Variants in NRXN1 observed in about 807,000 individuals in gnomAD.
The protein encoded by NRXN1 is neurexin-1.
Under a neutral mutation model 150.9 loss-of-function variants are expected in NRXN1, and 39 were observed. The ratio of observed to expected loss-of-function variants is 0.26; its 90% confidence interval spans 0.20 to 0.34. NRXN1 has a LOEUF of 0.34. Ranked by LOEUF, NRXN1 falls within the 10% of genes least tolerant of loss-of-function variation. The pLI, the probability that NRXN1 is intolerant of heterozygous loss-of-function variation, is 1.00. For missense variants in NRXN1, 1,815 were observed against 1,949.9 expected (o/e 0.93, Z 1.30); for synonymous variants, 924 against 757.0 (o/e 1.22, Z -3.62).
At chr2:50,742,060 G>T (rs1416257443) in intron 5 of NRXN1, among the ~76,000 whole-genome samples, 24 of 152,020 alleles carry the variant, frequency 1.6e-4, no homozygotes, top group Admixed American at 1.5e-3. Flanking sequence ...GAAAATAAAA[G>T]AAATATAGGT....
chr2:50,302,304 A>G (rs982345610), intron 17 of NRXN1, among the ~76,000 whole-genome samples: 42 of 152,214 alleles, frequency 2.8e-4, no homozygotes, highest in African/African-American at 9.2e-4. Flanking sequence ...TTTGCTTTAG[A>G]TAACTTTAAT....
chr2:50,246,156 A>G (rs2066481023), intron 17 of NRXN1, among the ~76,000 whole-genome samples: 2 of 152,004 alleles, frequency 1.3e-5, no homozygotes, highest in Admixed American at 6.6e-5. Context: ...GGTATCTGCA[A>G]TGCTTTATTG....
chr2:50,467,343 A>G (rs62134979), intron 16 of NRXN1, among the ~76,000 whole-genome samples: 2,094 of 151,844 alleles, frequency 0.014, 14 homozygotes, highest in Admixed American at 0.02. Flanking sequence ...AGTATAAACT[A>G]AATATATTTT....
At chr2:50,407,393 A>C (rs1014625973) in intron 17 of NRXN1, among the ~76,000 whole-genome samples, 1 of 152,100 alleles carries the variant, frequency 6.6e-6, no homozygotes, top group Non-Finnish European at 1.5e-5. Flanking sequence ...GCATATGTAA[A>C]CTACCTCGCC....
At chr2:50,334,798 T>C (rs1346504280) in intron 17 of NRXN1, among the ~76,000 whole-genome samples, 1 of 152,248 alleles carries the variant, frequency 6.6e-6, no homozygotes, top group African/African-American at 2.4e-5. Context: ...TGTGGTTTCA[T>C]AGATTAAACT....
intron 9 of NRXN1, among the ~76,000 whole-genome samples, chr2:50,550,960 C>T (rs1422794028): frequency 6.6e-6 from 1 of 151,362 alleles, no homozygotes; most frequent in African/African-American, 2.4e-5. Context: ...GGATTACGGG[C>T]GTGAGCCACC....
intron 17 of NRXN1, among the ~76,000 whole-genome samples, chr2:50,420,715 G>C (rs573763869): frequency 1.3e-5 from 2 of 151,988 alleles, no homozygotes; most frequent in South Asian, 4.1e-4. Flanking sequence ...CTGGTTGTTC[G>C]TAATTTCCTT....
chr2:50,806,422 A>G (rs1667517331), intron 5 of NRXN1, among the ~76,000 whole-genome samples: 1 of 152,296 alleles, frequency 6.6e-6, no homozygotes, highest in African/African-American at 2.4e-5. Context: ...TCAATATAAA[A>G]TGGCAAATGC....
intron 19 of NRXN1, among the ~76,000 whole-genome samples, chr2:50,065,118 G>T (rs1432839449): frequency 2.0e-5 from 3 of 152,110 alleles, no homozygotes; most frequent in Non-Finnish European, 4.4e-5. Context: ...GAAAACAAAG[G>T]ACCACCAGAA....
intron 18 of NRXN1, among the ~76,000 whole-genome samples, chr2:50,197,342 A>G (rs1379822597): frequency 6.6e-6 from 1 of 152,088 alleles, no homozygotes; most frequent in Non-Finnish European, 1.5e-5. Context: ...ATATCAATTG[A>G]TCATGAACAT....
intron 18 of NRXN1, among the ~76,000 whole-genome samples, chr2:50,150,865 C>A (rs887430493): frequency 6.6e-6 from 1 of 151,692 alleles, no homozygotes; most frequent in African/African-American, 2.4e-5. Flanking sequence ...AAACACAGTA[C>A]CTTACCTCCC....
chr2:50,375,794 A>T (rs899673233), intron 17 of NRXN1, among the ~76,000 whole-genome samples: 2 of 151,992 alleles, frequency 1.3e-5, no homozygotes, highest in Non-Finnish European at 2.9e-5. Flanking sequence ...AAATTCATAA[A>T]GAGGGCTCTA....
intron 21 of NRXN1, among the ~76,000 whole-genome samples, chr2:50,004,438 G>T (rs1684435689): frequency 6.6e-6 from 1 of 151,980 alleles, no homozygotes; most frequent in South Asian, 2.1e-4. Flanking sequence ...TTTAAAAATT[G>T]TTTTTGGAAG....
intron 19 of NRXN1, among the ~76,000 whole-genome samples, chr2:50,063,015 A>G (rs1421589): frequency 0.75 from 113,681 of 152,142 alleles, 43,423 homozygotes; most frequent in African/African-American, 0.91. Context: ...CATCTATACC[A>G]CAAGAGAAGA....
chr2:51,016,877 G>A (rs1207076642), intron 2 of NRXN1, among the ~76,000 whole-genome samples: 1 of 152,066 alleles, frequency 6.6e-6, no homozygotes, highest in East Asian at 1.9e-4. Flanking sequence ...ATGATAGACT[G>A]GATAAAGAAA....
chr2:50,340,764 C>T (rs1034214593), intron 17 of NRXN1, among the ~76,000 whole-genome samples: 6 of 151,944 alleles, frequency 3.9e-5, no homozygotes, highest in African/African-American at 1.5e-4. Context: ...ATATGAATGA[C>T]AAAACAGTAT....
At chr2:50,421,108 C>T (rs1469219581) in intron 17 of NRXN1, among the ~76,000 whole-genome samples, 1 of 151,382 alleles carries the variant, frequency 6.6e-6, no homozygotes, top group African/African-American at 2.4e-5. Flanking sequence ...GGAGAGGAGA[C>T]ATTAATAATG....
chr2:50,844,938 C>T (rs1008772492), intron 5 of NRXN1, among the ~76,000 whole-genome samples: 11 of 151,916 alleles, frequency 7.2e-5, no homozygotes, highest in Non-Finnish European at 1.0e-4. Context: ...ATTGCAGTCT[C>T]GACTTGCCAG....
At chr2:50,690,328 A>T (rs1691891526) in intron 5 of NRXN1, among the ~76,000 whole-genome samples, 1 of 152,218 alleles carries the variant, frequency 6.6e-6, no homozygotes. Context: ...AATATTCCAG[A>T]CATTCATAAA....
Sources: allele counts gnomAD v4.1 joint callset (sites outside exome capture counted in the v4.1 genomes callset), GRCh38; gene constraint gnomAD v4.1.1; transcripts MANE v1.5; gene names NCBI Gene and HGNC (gene_info 2026-07-23, HGNC 2026-07-21).